The following GRIK1 variants were observed in gnomAD, a reference collection of about 807,000 sequenced individuals.
The protein encoded by GRIK1 is glutamate receptor ionotropic, kainate 1.
In GRIK1, 69 loss-of-function variants were observed where a neutral mutation model predicts 105.7. The ratio of observed to expected loss-of-function variants is 0.65; its 90% CI spans 0.54 to 0.80. The LOEUF is 0.80. Ranked by LOEUF, GRIK1 falls within the 30% of genes least tolerant of loss-of-function variation. The pLI is 0.00. For synonymous variants in GRIK1, 438 were observed against 431.3 expected (o/e 1.02, Z -0.19); for missense variants, 1,109 against 1,167.3 (o/e 0.95, Z 0.73).
chr21:29,848,536 T>A (rs1397647252), intron 1 of GRIK1, among the ~76,000 whole-genome samples: 1 of 152,076 alleles, frequency 6.6e-6, no homozygotes, highest in East Asian at 1.9e-4. Flanking sequence ...CCAGAAATCC[T>A]GCTTTCTACT....
At chr21:29,850,454 C>T (rs1160640173) in intron 1 of GRIK1, among the ~76,000 whole-genome samples, 1 of 152,126 alleles carries the variant, frequency 6.6e-6, no homozygotes, top group East Asian at 1.9e-4. Context: ...TAACTGCATA[C>T]ACACCCTGTA....
chr21:29,836,361 A>G (rs773071553), intron 1 of GRIK1, among the ~76,000 whole-genome samples: 2 of 152,212 alleles, frequency 1.3e-5, no homozygotes, highest in African/African-American at 2.4e-5. Flanking sequence ...ATACACAGAG[A>G]CAGACACACG....
chr21:29,658,726 C>T (rs556915467), intron 4 of GRIK1, among the ~76,000 whole-genome samples: 127 of 152,224 alleles, frequency 8.3e-4, no homozygotes, highest in Non-Finnish European at 1.6e-3. Flanking sequence ...CTAGTGTGGA[C>T]GTCATTAGTA....
chr21:29,860,512 A>C (rs2068603525), intron 1 of GRIK1, among the ~76,000 whole-genome samples: 1 of 152,148 alleles, frequency 6.6e-6, no homozygotes, highest in African/African-American at 2.4e-5. Context: ...GAATGACTTG[A>C]ACCACAGGGA....
chr21:29,735,261 A>G (rs2064760669), intron 1 of GRIK1, among the ~76,000 whole-genome samples: 1 of 152,184 alleles, frequency 6.6e-6, no homozygotes, highest in Admixed American at 6.5e-5. Context: ...TTGACTCTGA[A>G]CTGTGTTCAC....
At chr21:29,699,680 G>A (rs557985855) in intron 1 of GRIK1, among the ~76,000 whole-genome samples, 43 of 148,716 alleles carry the variant, frequency 2.9e-4, no homozygotes, top group Non-Finnish European at 4.7e-4. Flanking sequence ...ATGGAGTCTC[G>A]CACTGTCACC....
intron 16 of GRIK1, among the ~76,000 whole-genome samples, chr21:29,544,267 A>G (rs1307869509): frequency 6.6e-6 from 1 of 152,186 alleles, no homozygotes; most frequent in Non-Finnish European, 1.5e-5. Context: ...TCTATTTTTA[A>G]ATGGCATGCA....
chr21:29,898,414 A>G (rs933758335), intron 1 of GRIK1, among the ~76,000 whole-genome samples: 2 of 152,164 alleles, frequency 1.3e-5, no homozygotes, highest in African/African-American at 4.8e-5. Flanking sequence ...TTCTATGGGC[A>G]CAGGTCAGGT....
intron 7 of GRIK1, among the ~76,000 whole-genome samples, chr21:29,631,765 A>G (rs1020049263): frequency 6.6e-5 from 10 of 152,238 alleles, no homozygotes; most frequent in Non-Finnish European, 1.3e-4. Flanking sequence ...TTTTGGATAT[A>G]CTGGGTTAAA....
chr21:29,644,253 T>A (rs2062573088), intron 6 of GRIK1, among the ~76,000 whole-genome samples: 1 of 152,222 alleles, frequency 6.6e-6, no homozygotes, highest in Admixed American at 6.5e-5. Context: ...TTCTGTTCAA[T>A]CTTTATCATT....
chr21:29,863,771 G>A (rs550827745), intron 1 of GRIK1, among the ~76,000 whole-genome samples: 41 of 152,058 alleles, frequency 2.7e-4, no homozygotes, highest in African/African-American at 7.5e-4. Flanking sequence ...ATGTTTTTGC[G>A]CAGCCCTGTG....
chr21:29,874,625 C>T (rs983055396), intron 1 of GRIK1, among the ~76,000 whole-genome samples: 6 of 152,102 alleles, frequency 3.9e-5, no homozygotes, highest in African/African-American at 1.4e-4. Context: ...GGGTTGGGAC[C>T]CCTGTTTTAG....
At chr21:29,692,270 G>A (rs1057047083) in intron 2 of GRIK1, among the ~76,000 whole-genome samples, 2 of 152,182 alleles carry the variant, frequency 1.3e-5, no homozygotes, top group African/African-American at 4.8e-5. Context: ...ATTGCTAAAT[G>A]TGGTTGGCTT....
intron 14 of GRIK1, among the ~76,000 whole-genome samples, chr21:29,565,493 C>T (rs1176657128): frequency 6.6e-6 from 1 of 152,218 alleles, no homozygotes; most frequent in African/African-American, 2.4e-5. Context: ...AGTGCAATGG[C>T]ACGATCTCGG....
At chr21:29,568,842 T>G (rs2090671393) in intron 14 of GRIK1, among the ~76,000 whole-genome samples, 3 of 152,220 alleles carry the variant, frequency 2.0e-5, no homozygotes, top group Non-Finnish European at 4.4e-5. Flanking sequence ...TTTTCCCTCT[T>G]AAGTGCTAAC....
intron 14 of GRIK1, among the ~76,000 whole-genome samples, chr21:29,569,334 A>G (rs1315427629): frequency 2.0e-5 from 3 of 152,194 alleles, no homozygotes; most frequent in African/African-American, 7.2e-5. Context: ...GTATAAACAT[A>G]TTACCTCTAC....
At chr21:29,570,491 G>A (rs2090716599) in intron 14 of GRIK1, among the ~76,000 whole-genome samples, 1 of 148,830 alleles carries the variant, frequency 6.7e-6, no homozygotes, top group African/African-American at 2.5e-5. Flanking sequence ...GACAGGGTGA[G>A]ACTCCATCTC....
intron 1 of GRIK1, among the ~76,000 whole-genome samples, chr21:29,719,081 C>CATACATATAT (rs1555877737): frequency 7.0e-6 from 1 of 143,320 alleles, no homozygotes; most frequent in Non-Finnish European, 1.5e-5. Context: ...TGTGTATATA[C>CATACATATAT]ATATATATAT....
At chr21:29,905,580 G>GTT (rs1443946906) in intron 1 of GRIK1, among the ~76,000 whole-genome samples, 1 of 150,306 alleles carries the variant, frequency 6.7e-6, no homozygotes, top group Admixed American at 6.6e-5. Flanking sequence ...CTAGTAGCAG[G>GTT]GATTACAAAC....
Sources: allele counts gnomAD v4.1 joint callset (sites outside exome capture counted in the v4.1 genomes callset), GRCh38; gene constraint gnomAD v4.1.1; transcripts MANE v1.5; gene names NCBI Gene and HGNC (gene_info 2026-07-23, HGNC 2026-07-21).